The following EHF variants were observed in gnomAD, a reference collection of about 807,000 sequenced individuals.
EHF encodes the protein ETS homologous factor.
Under a neutral mutation model 45.1 loss-of-function variants are expected in EHF, and 14 were observed. The ratio of observed to expected loss-of-function variants is 0.31; its 90% CI spans 0.21 to 0.49. EHF has a LOEUF of 0.49. Among genes scored for constraint, EHF ranks in the 20% least tolerant of loss-of-function variants. The pLI, the probability that EHF is intolerant of heterozygous loss-of-function variation, is 0.99. For synonymous variants in EHF, 136 were observed against 131.8 expected, an observed-to-expected ratio of 1.03 and a Z score of -0.22; for missense variants, 282 against 371.4, an observed-to-expected ratio of 0.76 and a Z score of 1.98.
chr11:34,626,809 T>C (rs1336277543), intron 1 of EHF, among the ~76,000 whole-genome samples: 1 of 152,214 alleles, frequency 6.6e-6, no homozygotes. Flanking sequence ...ACACTGGACT[T>C]AGAGTCCAGA....
rs753012551 is a variant in EHF, at chr11:34,659,091, G to A, written c.*160G>A. On this transcript the variant is annotated 3_prime_UTR_variant, in exon 9 of 9. Transcript: ENST00000257831. Reference sequence around the variant, plus strand: ...AACGGGAAGAAGAAACACTACGGTCGATTAAAAAAATTATTTTGTTACTTC... The same window carrying A: ...AACGGGAAGAAGAAACACTACGGTCAATTAAAAAAATTATTTTGTTACTTC... 2.9e-5 allele frequency: 16 copies of A among 560,340 alleles called. No homozygotes were observed. The highest frequency in any genetic ancestry group is 4.9e-5 in the Non-Finnish European group (16 of 327,066). 34.7% of individuals were successfully genotyped at this position (560,340 alleles called of 1,614,324 possible). A position where few individuals can be genotyped will look rare whatever the true frequency, so the allele number is the denominator to read the frequency against.
chr11:34,627,427 A>G (rs934579339), intron 1 of EHF, among the ~76,000 whole-genome samples: 3 of 152,148 alleles, frequency 2.0e-5, no homozygotes, highest in African/African-American at 7.2e-5. Flanking sequence ...TCACATGACT[A>G]GCTTTTAGGA....
chr11:34,656,286 G>A (rs969503096), intron 6 of EHF, among the ~76,000 whole-genome samples: 3 of 151,988 alleles, frequency 2.0e-5, no homozygotes, highest in Non-Finnish European at 4.4e-5. Flanking sequence ...ACTCAATGGC[G>A]CCTTTGTCAG....
chr11:34,641,681 C>T (rs558208415), intron 1 of EHF, among the ~76,000 whole-genome samples: 26 of 152,300 alleles, frequency 1.7e-4, no homozygotes, highest in African/African-American at 6.3e-4. Flanking sequence ...GGCTGCTCTT[C>T]GTTTAAATGA....
intron 1 of EHF, among the ~76,000 whole-genome samples, chr11:34,629,648 C>T (rs963911328): frequency 5.9e-5 from 9 of 152,046 alleles, no homozygotes; most frequent in African/African-American, 1.4e-4. Flanking sequence ...GGGATGTGGA[C>T]GTAGTGATGG....
chr11:34,637,647 G>A (rs1853575127), intron 1 of EHF, among the ~76,000 whole-genome samples: 1 of 152,112 alleles, frequency 6.6e-6, no homozygotes, highest in Non-Finnish European at 1.5e-5. Context: ...TGTTGTACTT[G>A]CCAGTTCTTC....
chr11:34,650,706 C>A (rs1855065332), intron 4 of EHF, among the ~76,000 whole-genome samples: 1 of 152,070 alleles, frequency 6.6e-6, no homozygotes, highest in African/African-American at 2.4e-5. Flanking sequence ...CTGTTGGAGA[C>A]CAGCCCAGAT....
intron 1 of EHF, among the ~76,000 whole-genome samples, chr11:34,638,102 A>C (rs1249886107): frequency 6.6e-6 from 1 of 152,084 alleles, no homozygotes; most frequent in African/African-American, 2.4e-5. Context: ...GGGTTTCACC[A>C]TGTTGGCCAG....
In EHF at chr11:34,659,285, G is replaced by A; in HGVS notation, c.*354G>A. On this transcript the variant is annotated 3_prime_UTR_variant, in exon 9 of 9. Transcript: ENST00000257831. ...AAGAGAAAGAAAAACAAAATCAGAG[G>A]GCATTAAATGTTTTGTATGTGACAT... The A allele has an allele frequency of 5.5e-6, 1 of 182,024 alleles. No homozygotes were observed. The highest frequency in any genetic ancestry group is 6.0e-5 in the Admixed American group (1 of 16,610). 11.3% of individuals were successfully genotyped at this position (182,024 alleles called of 1,614,324 possible).
intron 2 of EHF, among the ~76,000 whole-genome samples, chr11:34,643,460 T>C (rs1416874199): frequency 1.3e-5 from 2 of 152,142 alleles, no homozygotes; most frequent in African/African-American, 2.4e-5. Flanking sequence ...CTGGGCCTCT[T>C]CTCAATCCAC....
chr11:34,630,037 A>T (rs1002784765), intron 1 of EHF, among the ~76,000 whole-genome samples: 1 of 152,154 alleles, frequency 6.6e-6, no homozygotes, highest in African/African-American at 2.4e-5. Context: ...ATCCAGACTG[A>T]TTTGCACTGA....
intron 1 of EHF, among the ~76,000 whole-genome samples, chr11:34,630,606 T>C (rs1289366812): frequency 6.6e-6 from 1 of 152,016 alleles, no homozygotes; most frequent in East Asian, 1.9e-4. Flanking sequence ...TCCTAGTTCA[T>C]CCTGACCCCT....
chr11:34,662,555 G>A lies in EHF; in HGVS notation c.*3624G>A, dbSNP rs1471457396. Among the ~76,000 whole-genome samples the A allele has an allele frequency of 6.6e-6, 1 of 152,088 alleles. No individual in the cohort carries two copies. Among genetic ancestry groups the A allele is most frequent in the African/African-American group, 2.4e-5 (1 of 41,408 alleles). ...AAGTGTAAAGCAGTTCTAAGTTTTAGTATTTGGGGGATTGGTTTTTATTAT... is the reference window on the plus strand; with the variant it reads ...AAGTGTAAAGCAGTTCTAAGTTTTAATATTTGGGGGATTGGTTTTTATTAT... On this transcript the variant is annotated 3_prime_UTR_variant, in exon 9 of 9. Transcript: ENST00000257831.
chr11:34,651,407 A>G, intron 4 of EHF, 135 bp from the exon 5 acceptor site: 1 of 690,130 alleles, frequency 1.4e-6, no homozygotes, highest in Non-Finnish European at 2.5e-6. Flanking sequence ...CAGCTGAAGC[A>G]GAATCATATC....
chr11:34,651,608 T>C lies in EHF; in HGVS notation c.473T>C (p.Val158Ala). The change falls in exon 5 of 9, where the codon GTA becomes GCA. Residue 158 changes from valine (V) to alanine (A), a missense_variant and splice_region_variant. Physicochemically the swap from Val to Ala is moderately conservative, Grantham distance 64 (BLOSUM62 0). Around this residue, in one of 3 missense-constraint regions of EHF, gnomAD observed 213 missense variants for 247.3 expected, o/e 0.86. Coordinates refer to ENST00000257831, the MANE Select transcript of EHF (RefSeq NM_012153.6). ...TATGACACCAACTATGGTAGCACAG[T>C]AGGTAACTAACTCCCTGACACTTAA... is the stretch of plus-strand genomic sequence containing the variant. ...YLYDTNYGST[V>A]DLLDSKTFCR... 1 of 1,613,556 alleles carries C rather than the reference T, an allele frequency of 6.2e-7. No individual in the cohort carries two copies. The highest frequency in any genetic ancestry group is 8.5e-7 in the Non-Finnish European group (1 of 1,179,510).
rs1471375466 is a variant in EHF at position 34,660,014 on chromosome 11, A to C, written c.*1083A>C. On this transcript the variant is annotated 3_prime_UTR_variant, in exon 9 of 9. Transcript: ENST00000257831. Reference sequence around the variant, plus strand: ...TTGATTGAGAACCACCAGTTTAGCTAGTCAATATGAGGATGGTGGTTTATT... The same window carrying C: ...TTGATTGAGAACCACCAGTTTAGCTCGTCAATATGAGGATGGTGGTTTATT... The C allele has an allele frequency of 6.6e-6, 1 of 152,178 alleles. No homozygotes were observed. Among genetic ancestry groups the C allele is most frequent in the Non-Finnish European group, 1.5e-5 (1 of 68,028 alleles). 9.4% of individuals were successfully genotyped at this position (152,178 alleles called of 1,614,324 possible).
At chr11:34,637,759 T>G (rs1005824776) in intron 1 of EHF, among the ~76,000 whole-genome samples, 1 of 152,114 alleles carries the variant, frequency 6.6e-6, no homozygotes, top group African/African-American at 2.4e-5. Context: ...GAGGTGAAGT[T>G]TGGGAAAAAT....
rs948485135 is a variant in EHF at position 34,660,435 on chromosome 11, T to A, written c.*1504T>A. On this transcript the variant is annotated 3_prime_UTR_variant, in exon 9 of 9. Transcript: ENST00000257831. ...TTGCCTAGATTTGTACTCAGAGGAA[T>A]TTTTTTTGTTTTGTTTTGTCTTTTA... The A allele has an allele frequency of 8.5e-5, 13 of 152,114 alleles. 1 individual carries two copies. In the South Asian group the frequency reaches 2.7e-3, roughly 32 times the overall value. The allele number at this position is 152,114 out of a possible 1,614,324, so 9.4% of individuals were successfully genotyped here.
intron 1 of EHF, among the ~76,000 whole-genome samples, chr11:34,635,737 A>G (rs1459156560): frequency 3.9e-5 from 5 of 129,412 alleles, no homozygotes; most frequent in Non-Finnish European, 6.3e-5. Flanking sequence ...CAAACCAGCT[A>G]TGGTATGTGG....
Sources: gnomAD v4.1 joint callset for allele counts (sites outside exome capture counted in the v4.1 genomes callset) on GRCh38, gnomAD v4.1.1 for gene constraint, gnomAD v4.1.1 regional missense constraint, MANE v1.5 for transcripts, NCBI Gene and HGNC (gene_info 2026-07-23, HGNC 2026-07-21) for gene names.